The following RLF variants were observed in gnomAD, a reference collection of about 807,000 sequenced individuals.
RLF encodes RLF zinc finger, also known as zinc finger protein Rlf.
RLF carries 7 observed loss-of-function variants against 162.9 expected under a neutral mutation model. The ratio of observed to expected loss-of-function variants is 0.04; its 90% CI spans 0.02 to 0.08. RLF has a LOEUF of 0.08. Among genes scored for constraint, RLF ranks in the 10% least tolerant of loss-of-function variants. The probability of loss-of-function intolerance (pLI) is 1.00; values close to 1 mark genes in which losing one functional copy is unlikely to be tolerated. For synonymous variants in RLF, 782 were observed against 791.5 expected (o/e 0.99, Z 0.20); for missense variants, 1,664 against 2,244.7 (o/e 0.74, Z 5.23).
chr1:40,215,127 A>G (rs1017010997), intron 5 of RLF, among the ~76,000 whole-genome samples: 2 of 152,114 alleles, frequency 1.3e-5, no homozygotes, highest in Non-Finnish European at 2.9e-5. Context: ...AGTCTGAGAA[A>G]TGATAGAGCC....
At chr1:40,186,562 G>T (rs1402553864) in intron 1 of RLF, among the ~76,000 whole-genome samples, 1 of 152,168 alleles carries the variant, frequency 6.6e-6, no homozygotes, top group Non-Finnish European at 1.5e-5. Flanking sequence ...TGGACAGGTG[G>T]ATTGTGGAAA....
chr1:40,239,638 G>A lies in RLF; in HGVS notation c.4936G>A (p.Glu1646Lys). The change falls in exon 8 of 8, where the codon GAA (glutamate) becomes AAA (lysine). Residue 1646 changes from glutamate to lysine, a missense_variant. Physicochemically the swap from Glu to Lys is moderately conservative, Grantham distance 56. This residue lies in a region of RLF where 327 missense variants were observed against 342.7 expected (regional missense o/e 0.95). Coordinates refer to ENST00000372771, the MANE Select transcript of RLF (RefSeq NM_012421.4). Reference protein sequence around the residue: ...IQNTDCCHSSERDGGQKGCIE... With the variant: ...IQNTDCCHSSKRDGGQKGCIE... ...GAACACTGATTGCTGTCATTCAAGT[G>A]AAAGGGATGGAGGTCAGAAAGGGTG... 1 of 1,614,170 alleles carries A rather than the reference G, an allele frequency of 6.2e-7. No homozygotes were observed. The highest frequency in any genetic ancestry group is 8.5e-7 in the Non-Finnish European group (1 of 1,180,040).
chr1:40,200,536 G>T (rs1210517393), intron 4 of RLF, among the ~76,000 whole-genome samples: 2 of 152,036 alleles, frequency 1.3e-5, no homozygotes, highest in Non-Finnish European at 2.9e-5. Context: ...AAAATAAGAA[G>T]ATAGCTCTAA....
At chr1:40,201,694 ATAT>A (rs1200203257) in intron 4 of RLF, among the ~76,000 whole-genome samples, 1 of 151,834 alleles carries the variant, frequency 6.6e-6, no homozygotes, top group African/African-American at 2.4e-5. Flanking sequence ...CAAGTGCCTA[ATAT>A]TCAGTACAGC....
chr1:40,234,955 C>T (rs1248951055), intron 7 of RLF, among the ~76,000 whole-genome samples: 2 of 151,552 alleles, frequency 1.3e-5, no homozygotes, highest in Middle Eastern at 3.4e-3. Context: ...ACACCTGTGA[C>T]GGTGACTATA....
rs146631934 is a variant in RLF, at chr1:40,231,573, C to T, written c.1004C>T (p.Thr335Ile). 6 of 1,613,894 alleles carry T rather than the reference C, an allele frequency of 3.7e-6. No homozygotes were observed. Among genetic ancestry groups the T allele is most frequent in the African/African-American group, 1.3e-5 (1 of 75,006 alleles). Residue 335 changes from threonine to isoleucine, a missense_variant, in exon 7 of 8, where the codon ACT (threonine) becomes ATT (isoleucine). Transcript: ENST00000372771. Reference protein sequence around the residue: ...LQRRIDPSLDTFLERCRQFGV... With the variant: ...LQRRIDPSLDIFLERCRQFGV... Reference sequence around the variant, plus strand: ...AGAAGAATTGACCCTTCTTTAGATACTTTTTTGGAGCGCTGTCGTCAGTTT... The same window carrying T: ...AGAAGAATTGACCCTTCTTTAGATATTTTTTTGGAGCGCTGTCGTCAGTTT...
At chr1:40,169,849 C>T (rs796641333) in intron 1 of RLF, among the ~76,000 whole-genome samples, 41 of 151,778 alleles carry the variant, frequency 2.7e-4, no homozygotes, top group African/African-American at 9.4e-4. Flanking sequence ...CTCATCACCA[C>T]ACCCGGCTAT....
chr1:40,222,131 T>C (rs949737194), intron 5 of RLF, among the ~76,000 whole-genome samples: 1 of 152,164 alleles, frequency 6.6e-6, no homozygotes. Flanking sequence ...AAGCAGTTCC[T>C]GAACTGGCCT....
chr1:40,226,246 T>C (rs1295186015), intron 6 of RLF, among the ~76,000 whole-genome samples: 2 of 152,200 alleles, frequency 1.3e-5, no homozygotes, highest in African/African-American at 2.4e-5. Flanking sequence ...ATTAAAGAAG[T>C]ACTAGAGGAG....
chr1:40,173,179 C>T (rs895665647), intron 1 of RLF, among the ~76,000 whole-genome samples: 14 of 150,422 alleles, frequency 9.3e-5, no homozygotes. Context: ...CGGGTTCAAG[C>T]GATTCTCCTG....
chr1:40,172,146 A>G (rs927017375), intron 1 of RLF, among the ~76,000 whole-genome samples: 2 of 152,004 alleles, frequency 1.3e-5, no homozygotes, highest in Admixed American at 1.3e-4. Flanking sequence ...CTCTTAACTA[A>G]AAAAAAATTT....
At chr1:40,204,374 T>G (rs1011104461) in intron 5 of RLF, among the ~76,000 whole-genome samples, 1 of 151,944 alleles carries the variant, frequency 6.6e-6, no homozygotes, top group Non-Finnish European at 1.5e-5. Context: ...TCCCTAAATC[T>G]TCACCTACTC....
intron 5 of RLF, among the ~76,000 whole-genome samples, chr1:40,209,958 G>A (rs1182016645): frequency 6.6e-6 from 1 of 151,858 alleles, no homozygotes; most frequent in Non-Finnish European, 1.5e-5. Context: ...ATCAGGTAGT[G>A]TAAGGAGATA....
At position 40,188,783 on chromosome 1, in the gene RLF, C is replaced by T. The variant is rs542902815; in HGVS notation, c.238-272C>T. On this transcript the variant is annotated intron_variant, in intron 1 of 7. Transcript: ENST00000372771. Reference sequence around the variant, plus strand: ...GAATTATAGAGATGGCAACTCCAGACCTATAGTGAGAACAACTAGACATTT... The same window carrying T: ...GAATTATAGAGATGGCAACTCCAGATCTATAGTGAGAACAACTAGACATTT... 2.6e-5 allele frequency among the ~76,000 whole-genome samples: 4 copies of T among 152,236 alleles called. No homozygotes were observed. The East Asian group carries it at 7.7e-4, about 29-fold the overall frequency.
At chr1:40,203,950 C>T (rs1642754357) in intron 5 of RLF, among the ~76,000 whole-genome samples, 1 of 152,030 alleles carries the variant, frequency 6.6e-6, no homozygotes, top group African/African-American at 2.4e-5. Context: ...CCTTATCCCC[C>T]TTATGTATTC....
intron 6 of RLF, among the ~76,000 whole-genome samples, chr1:40,228,821 A>G (rs948869725): frequency 6.6e-6 from 1 of 151,936 alleles, no homozygotes; most frequent in East Asian, 1.9e-4. Flanking sequence ...GAGAGAAGAT[A>G]TTACTCTGTC....
In RLF at chr1:40,229,850, C is replaced by T. The variant is rs368421864; in HGVS notation, c.948-1667C>T. Among the ~76,000 whole-genome samples the T allele has an allele frequency of 8.5e-5, 13 of 152,196 alleles. 1 individual carries two copies. The highest frequency in any genetic ancestry group is 3.9e-4 in the East Asian group (2 of 5,156). Reference sequence around the variant, plus strand: ...TCACCTTATGCCGGGCACGGTGGCTCATGCCTGTAATCCCAGAACTCTGGG... The same window carrying T: ...TCACCTTATGCCGGGCACGGTGGCTTATGCCTGTAATCCCAGAACTCTGGG... On this transcript the variant is annotated intron_variant, in intron 6 of 7. Transcript: ENST00000372771.
intron 5 of RLF, among the ~76,000 whole-genome samples, chr1:40,220,798 C>CTA (rs1331853354): frequency 1.3e-5 from 2 of 151,944 alleles, no homozygotes; most frequent in Non-Finnish European, 2.9e-5. Flanking sequence ...AGTTTATAGT[C>CTA]TAGCTGGAGA....
In RLF at chr1:40,238,893, A is replaced by C. The variant is rs1643252454; in HGVS notation, c.4191A>C (p.Val1397=). The change falls in exon 8 of 8, where the codon GTA becomes GTC. Residue 1397 remains valine (V), a synonymous_variant. Coordinates refer to ENST00000372771, the MANE Select transcript of RLF (RefSeq NM_012421.4). This position sits in a 1 kb window ranked among gnomAD's most constrained non-coding sequence, Gnocchi z 5.2. The part of the protein sequence containing the change: ...HNLDHIEEPK[V]LSEAGSAARF... Reference sequence around the variant, plus strand: ...TAGACCATATTGAAGAGCCTAAAGTACTTTCCGAAGCTGGATCTGCAGCAA... The same window carrying C: ...TAGACCATATTGAAGAGCCTAAAGTCCTTTCCGAAGCTGGATCTGCAGCAA... 1 of 1,614,244 alleles carries C rather than the reference A, an allele frequency of 6.2e-7. No homozygotes were observed.
Sources: gnomAD v4.1 joint callset for allele counts (sites outside exome capture counted in the v4.1 genomes callset) on GRCh38, gnomAD v4.1.1 for gene constraint, gnomAD v4.1.1 regional missense constraint, Gnocchi (gnomAD v3.1) non-coding constraint, MANE v1.5 for transcripts, NCBI Gene and HGNC (gene_info 2026-07-23, HGNC 2026-07-21) for gene names.